PCDHA5: variants seen among roughly 807,000 people sequenced by gnomAD.
PCDHA5 encodes protocadherin alpha 5, also known as protocadherin alpha-5.
A neutral mutation model predicts 61.6 loss-of-function variants in PCDHA5; 43 were observed. That is an observed-to-expected ratio of 0.70 (90% CI 0.55 to 0.90). The LOEUF is 0.90. Among genes scored for constraint, PCDHA5 ranks in the 40% least tolerant of loss-of-function variants. PCDHA5 has a pLI of 0.00. For missense variants in PCDHA5, 1,298 were observed against 1,222.7 expected (o/e 1.06, Z -0.92); for synonymous variants, 627 against 543.9 (o/e 1.15, Z -2.13).
In PCDHA5 at chr5:140,990,870, T is replaced by G. The variant is rs550033552; in HGVS notation, c.2500+8307T>G. Among the ~76,000 whole-genome samples, 16 of 152,274 alleles carry G rather than the reference T, an allele frequency of 1.1e-4. No individual in the cohort carries two copies. The South Asian group carries it at 3.3e-3, about 32-fold the overall frequency. On this transcript the variant is annotated intron_variant, in intron 3 of 3. Coordinates refer to ENST00000529859, the MANE Select transcript of PCDHA5 (RefSeq NM_018908.3). ...AGCCCTGAGGACATTGTATTTTAAG[T>G]GTATGTTCCAGTGAGTGGGTCGTTG...
intron 1 of PCDHA5, chr5:140,969,003 G>A: frequency 6.2e-7 from 1 of 1,614,226 alleles, no homozygotes; most frequent in Admixed American, 1.7e-5. Context: ...GGAGGCTTCT[G>A]TGGAGTAAGG....
chr5:140,856,036 A>G (rs1554148102), intron 1 of PCDHA5: 5 of 1,567,408 alleles, frequency 3.2e-6, no homozygotes, highest in Non-Finnish European at 4.3e-6. Flanking sequence ...TTGTAAAACA[A>G]GAGAAGGATA....
intron 1 of PCDHA5, among the ~76,000 whole-genome samples, chr5:140,906,410 A>T (rs1454575995): frequency 6.6e-6 from 1 of 152,246 alleles, no homozygotes; most frequent in Non-Finnish European, 1.5e-5. Flanking sequence ...ATATGAAGTC[A>T]ATAAATCTTA....
chr5:140,825,433 A>G (rs1554130246), intron 1 of PCDHA5: 1 of 147,668 alleles, frequency 6.8e-6, no homozygotes, highest in Non-Finnish European at 1.5e-5. Flanking sequence ...TAATAAATAT[A>G]TAATAATAAT....
chr5:140,870,745 G>T (rs369212308), intron 1 of PCDHA5: 8 of 1,613,530 alleles, frequency 5.0e-6, no homozygotes, highest in Admixed American at 3.3e-5. Flanking sequence ...GAGCAGCAAC[G>T]TGACGCTGCA....
Position 140,880,781 on chromosome 5 carries a change from G to C in PCDHA5, c.2352+56654G>C, listed in dbSNP as rs575201091. Reference sequence around the variant, plus strand: ...GTGTTGGAGGCTAAAAAGAATGTTAGAGGAGTAATATAAATAGGTGAATGA... The same window carrying C: ...GTGTTGGAGGCTAAAAAGAATGTTACAGGAGTAATATAAATAGGTGAATGA... On this transcript the variant is annotated intron_variant, in intron 1 of 3. Transcript: ENST00000529859. Among the ~76,000 whole-genome samples the C allele has an allele frequency of 5.9e-5, 9 of 152,346 alleles. No homozygotes were observed. In the East Asian group the frequency reaches 1.3e-3, roughly 23 times the overall value.
intron 1 of PCDHA5, chr5:140,884,056 G>T (rs782776341): frequency 6.2e-7 from 1 of 1,613,358 alleles, no homozygotes; most frequent in Non-Finnish European, 8.5e-7. Flanking sequence ...AGGTGCGCGC[G>T]GTGGACGCCG....
intron 1 of PCDHA5, among the ~76,000 whole-genome samples, chr5:140,971,092 G>A (rs1263264725): frequency 2.0e-5 from 3 of 152,168 alleles, no homozygotes; most frequent in Non-Finnish European, 4.4e-5. Flanking sequence ...ACAAATTCTT[G>A]TGAAGCCCTT....
At chr5:140,997,837 T>G (rs1414415987) in intron 3 of PCDHA5, among the ~76,000 whole-genome samples, 2 of 152,222 alleles carry the variant, frequency 1.3e-5, no homozygotes, top group African/African-American at 4.8e-5. Context: ...AACAATACAA[T>G]ATACATTCTT....
At chr5:140,843,320 G>C in intron 1 of PCDHA5, 2 of 1,596,056 alleles carry the variant, frequency 1.3e-6, no homozygotes, top group Non-Finnish European at 1.7e-6. Context: ...CACGGTTCTG[G>C]TGTCGCTGGT....
At chr5:140,989,863 TTCTC>T (rs2097364159) in intron 3 of PCDHA5, among the ~76,000 whole-genome samples, 1 of 151,988 alleles carries the variant, frequency 6.6e-6, no homozygotes, top group Non-Finnish European at 1.5e-5. Flanking sequence ...AGAGGAATCT[TTCTC>T]TGCCTCAGCA....
chr5:140,882,261 AGTGTACCATGCT>A (rs1554173264), intron 1 of PCDHA5: 1 of 1,604,356 alleles, frequency 6.2e-7, no homozygotes, highest in Non-Finnish European at 8.5e-7. Flanking sequence ...AGGTTTTTGG[AGTGTACCATGCT>A]GTCTTCCTGG....
At chr5:140,974,291 A>G (rs1417274006) in intron 1 of PCDHA5, among the ~76,000 whole-genome samples, 1 of 152,196 alleles carries the variant, frequency 6.6e-6, no homozygotes, top group Admixed American at 6.5e-5. Context: ...CTGGGCTCCA[A>G]GGAGGTACAA....
At chr5:140,966,246 G>A (rs184430396) in intron 1 of PCDHA5, 1 of 319,412 alleles carries the variant, frequency 3.1e-6, no homozygotes, top group East Asian at 5.0e-5. Flanking sequence ...TTAAGCAGGG[G>A]AGAGACGGTG....
chr5:140,953,464 T>C (rs2094890309), intron 1 of PCDHA5, among the ~76,000 whole-genome samples: 1 of 152,142 alleles, frequency 6.6e-6, no homozygotes. Flanking sequence ...GTCAGAGTTT[T>C]AACTTCCTCA....
Position 140,839,125 on chromosome 5 carries a change from C to T in PCDHA5, c.2352+14998C>T, listed in dbSNP as rs146206421. ...TATTTACCATTAAGCCATAATATGT[C>T]ATTCACATAAGCAGACCAAGTTTGC... On this transcript the variant is annotated intron_variant, in intron 1 of 3. Transcript: ENST00000529859. Among the ~76,000 whole-genome samples, 144 of 151,494 alleles carry T rather than the reference C, an allele frequency of 9.5e-4. 3 individuals carry two copies. The highest frequency in any genetic ancestry group is 3.4e-3 in the African/African-American group (139 of 41,138).
At chr5:140,835,589 G>T (rs2150238885) in intron 1 of PCDHA5, 2 of 1,613,920 alleles carry the variant, frequency 1.2e-6, no homozygotes, top group South Asian at 1.1e-5. Flanking sequence ...CCACCTTCAA[G>T]AATTACTATT....
chr5:140,992,465 C>G (rs1554252929), intron 3 of PCDHA5, among the ~76,000 whole-genome samples: 2 of 152,162 alleles, frequency 1.3e-5, no homozygotes. Flanking sequence ...GGACAGTACT[C>G]TTTAGATCAC....
At chr5:140,886,155 T>C (rs528104847) in intron 1 of PCDHA5, among the ~76,000 whole-genome samples, 1 of 152,212 alleles carries the variant, frequency 6.6e-6, no homozygotes, top group African/African-American at 2.4e-5. Context: ...CACCTTTTTA[T>C]AGCCACATCT....
Sources: allele counts gnomAD v4.1 joint callset (sites outside exome capture counted in the v4.1 genomes callset), GRCh38; gene constraint gnomAD v4.1.1; transcripts MANE v1.5; gene names NCBI Gene and HGNC (gene_info 2026-07-23, HGNC 2026-07-21).